Variants in NAV1 observed in about 807,000 individuals in gnomAD.
The protein encoded by NAV1 is neuron navigator 1.
In NAV1, 18 loss-of-function variants were observed where a neutral mutation model predicts 175.2. That is an observed-to-expected ratio of 0.10 (90% CI 0.07 to 0.15). The LOEUF (loss-of-function observed/expected upper bound fraction) is 0.15. NAV1 is among the 10% of genes least tolerant of loss of function. NAV1 has a pLI of 1.00. For missense variants in NAV1, 1,731 were observed against 2,436.6 expected, an observed-to-expected ratio of 0.71 and a Z score of 6.10; for synonymous variants, 897 against 978.7, an observed-to-expected ratio of 0.92 and a Z score of 1.56.
At chr1:201,567,347 C>A (rs1238348807) in intron 1 of NAV1, among the ~76,000 whole-genome samples, 1 of 152,204 alleles carries the variant, frequency 6.6e-6, no homozygotes, top group African/African-American at 2.4e-5. Context: ...GCCAGAGGGG[C>A]CTTGTCCTGT....
intron 24 of NAV1, 148 bp from the exon 29 acceptor site, chr1:201,811,455 C>T: frequency 1.1e-6 from 1 of 927,466 alleles, no homozygotes; most frequent in Non-Finnish European, 1.7e-6. Flanking sequence ...GCTTATCACT[C>T]TGTGGTAATC....
intron 3 of NAV1, among the ~76,000 whole-genome samples, chr1:201,761,774 C>T (rs1347974637): frequency 1.3e-5 from 2 of 152,150 alleles, no homozygotes; most frequent in Admixed American, 1.3e-4. Flanking sequence ...GGAGGATTGG[C>T]AATGACGTAC....
intron 1 of NAV1, among the ~76,000 whole-genome samples, chr1:201,577,696 C>T (rs1558004442): frequency 6.6e-6 from 1 of 152,114 alleles, no homozygotes. Context: ...AACAAAGTCT[C>T]TTAGTTTCTC....
At chr1:201,636,015 C>T (rs775994119) in intron 2 of NAV1, among the ~76,000 whole-genome samples, 1 of 152,264 alleles carries the variant, frequency 6.6e-6, no homozygotes, top group Non-Finnish European at 1.5e-5. Flanking sequence ...ACTTCCACCA[C>T]TGCTGCTCCC....
At chr1:201,773,312 G>A (rs1675716087) in intron 3 of NAV1, among the ~76,000 whole-genome samples, 1 of 152,144 alleles carries the variant, frequency 6.6e-6, no homozygotes, top group African/African-American at 2.4e-5. Context: ...GCCTCCCAAA[G>A]TGCTACGATT....
intron 1 of NAV1, among the ~76,000 whole-genome samples, chr1:201,650,798 A>G (rs771978479): frequency 3.3e-5 from 5 of 152,168 alleles, no homozygotes; most frequent in Non-Finnish European, 7.3e-5. Flanking sequence ...AGGGGCAATC[A>G]GGAGACTGGA....
chr1:201,777,111 G>T (rs523218), intron 3 of NAV1, among the ~76,000 whole-genome samples: 10,890 of 152,292 alleles, frequency 0.072, 789 homozygotes, highest in East Asian at 0.24. Flanking sequence ...TTTATGACAT[G>T]TAAGGTCTTA....
In NAV1 at chr1:201,599,149, G is replaced by A. The variant is rs765373990; in HGVS notation, c.-33+10500G>A. 7.2e-5 allele frequency among the ~76,000 whole-genome samples: 11 copies of A among 152,188 alleles called. 1 individual carries two copies. The highest frequency in any genetic ancestry group is 1.3e-4 in the Non-Finnish European group (9 of 68,018). ...CTGGCCAGGTTGGGCCCCCCAGGAG[G>A]CAAAACCCTGCAAGGAGAACCCTCT... On this transcript the variant is annotated intron_variant, in intron 2 of 33. Coordinates refer to the NAV1 transcript ENST00000685211.
intron 1 of NAV1, among the ~76,000 whole-genome samples, chr1:201,711,738 T>C (rs941810652): frequency 6.6e-6 from 1 of 152,258 alleles, no homozygotes; most frequent in South Asian, 2.1e-4. Context: ...TTCATGACTT[T>C]AGGTTCCAAA....
At chr1:201,554,413 T>C (rs1263825326) in intron 1 of NAV1, among the ~76,000 whole-genome samples, 1 of 152,058 alleles carries the variant, frequency 6.6e-6, no homozygotes, top group South Asian at 2.1e-4. Context: ...TAGCAAGCAG[T>C]GGGCATTCCA....
intron 3 of NAV1, among the ~76,000 whole-genome samples, chr1:201,738,418 G>T (rs1673207894): frequency 6.6e-6 from 1 of 152,124 alleles, no homozygotes. Context: ...TCTAAGAACT[G>T]TGGTTCATCA....
At chr1:201,797,237 A>AT (rs1488221702) in intron 15 of NAV1, 1 of 152,138 alleles carries the variant, frequency 6.6e-6, no homozygotes, top group East Asian at 1.9e-4. Context: ...TGAAAAGACT[A>AT]TTTTTTCCCC....
In NAV1 at chr1:201,604,906, G is replaced by A. The variant is rs538442067; in HGVS notation, c.-33+16257G>A. Among the ~76,000 whole-genome samples, 8 of 152,184 alleles carry A rather than the reference G, an allele frequency of 5.3e-5. No homozygotes were observed. In the East Asian group the frequency reaches 1.4e-3, roughly 26 times the overall value. ...CCAAGTTTTTGACACTAAAGCCCAC[G>A]CTCTTTCCCCTGTATGTAGTATTTT... is the stretch of plus-strand genomic sequence containing the variant. On this transcript the variant is annotated intron_variant, in intron 2 of 33. Transcript: ENST00000685211.
intron 1 of NAV1, among the ~76,000 whole-genome samples, chr1:201,707,105 C>A (rs1270024631): frequency 6.6e-6 from 1 of 152,160 alleles, no homozygotes; most frequent in Non-Finnish European, 1.5e-5. Flanking sequence ...CCTGATGACA[C>A]AGAAACAAGG....
intron 2 of NAV1, among the ~76,000 whole-genome samples, chr1:201,595,580 G>A (rs771668671): frequency 1.8e-4 from 27 of 152,192 alleles, no homozygotes; most frequent in Non-Finnish European, 3.2e-4. Context: ...TGATCAATCC[G>A]AGGCAGGGAC....
intron 2 of NAV1, among the ~76,000 whole-genome samples, chr1:201,597,355 T>C (rs1486445943): frequency 1.3e-5 from 2 of 152,194 alleles, no homozygotes; most frequent in Admixed American, 6.5e-5. Flanking sequence ...TTCACACACA[T>C]TGGCCTTGGC....
intron 1 of NAV1, among the ~76,000 whole-genome samples, chr1:201,669,449 G>A (rs1301940882): frequency 1.3e-5 from 2 of 152,174 alleles, no homozygotes; most frequent in Non-Finnish European, 2.9e-5. Context: ...GAAGGCCACC[G>A]AGGTGGCAGT....
intron 1 of NAV1, among the ~76,000 whole-genome samples, chr1:201,580,332 T>C (rs939436728): frequency 7.2e-5 from 11 of 152,226 alleles, no homozygotes; most frequent in African/African-American, 2.7e-4. Context: ...ACAGCTAAAA[T>C]TAACAATCAC....
At position 201,569,311 on chromosome 1, in the gene NAV1, C is replaced by T. The variant is rs553517388; in HGVS notation, c.-143-19228C>T. Among the ~76,000 whole-genome samples the T allele has an allele frequency of 6.2e-4, 95 of 152,312 alleles. 1 individual carries two copies. Among genetic ancestry groups the T allele is most frequent in the African/African-American group, 2.2e-3 (93 of 41,558 alleles). On this transcript the variant is annotated intron_variant, in intron 1 of 33. Transcript: ENST00000685211. Reference sequence around the variant, plus strand: ...GGCAACCAGCAGCTGCAGCAGTTCACGGCTATAGCATGAACTCCCCTGATG... The same window carrying T: ...GGCAACCAGCAGCTGCAGCAGTTCATGGCTATAGCATGAACTCCCCTGATG...
Sources: allele counts gnomAD v4.1 joint callset (sites outside exome capture counted in the v4.1 genomes callset), GRCh38; gene constraint gnomAD v4.1.1; transcripts MANE v1.5; gene names NCBI Gene and HGNC (gene_info 2026-07-23, HGNC 2026-07-21).